Variants in ULK4 observed in about 807,000 individuals in gnomAD.
ULK4 encodes the protein inactive serine/threonine-protein kinase ULK4.
Under a neutral mutation model 160.6 loss-of-function variants are expected in ULK4, and 133 were observed. That is an observed-to-expected ratio of 0.83 (90% CI 0.72 to 0.96). ULK4 has a LOEUF of 0.96. Among genes scored for constraint, ULK4 ranks in the 40% least tolerant of loss-of-function variants. The pLI is 0.00. For synonymous variants in ULK4, 534 were observed against 539.8 expected (o/e 0.99, Z 0.15); for missense variants, 1,580 against 1,499.5 (o/e 1.05, Z -0.89).
intron 22 of ULK4, among the ~76,000 whole-genome samples, chr3:41,742,566 A>G (rs2038278092): frequency 6.6e-6 from 1 of 152,008 alleles, no homozygotes; most frequent in South Asian, 2.1e-4. Context: ...TCCAGGACGT[A>G]TTCTAAAATC....
intron 30 of ULK4, among the ~76,000 whole-genome samples, chr3:41,654,051 C>T (rs976297077): frequency 3.3e-5 from 5 of 152,188 alleles, no homozygotes; most frequent in Non-Finnish European, 7.3e-5. Flanking sequence ...ACCGTAAACT[C>T]ACATCTATGT....
chr3:41,748,148 A>T (rs1203564674), intron 22 of ULK4, among the ~76,000 whole-genome samples: 1 of 148,286 alleles, frequency 6.7e-6, no homozygotes, highest in East Asian at 1.9e-4. Flanking sequence ...TAGAGACTAT[A>T]TATATATATA....
chr3:41,462,428 G>A (rs998405728), intron 33 of ULK4, among the ~76,000 whole-genome samples: 31 of 152,058 alleles, frequency 2.0e-4, no homozygotes, highest in African/African-American at 6.8e-4. Flanking sequence ...TGACTCCATC[G>A]GTTAGACAGA....
chr3:41,634,213 A>T (rs1199124851), intron 30 of ULK4, among the ~76,000 whole-genome samples: 1 of 152,154 alleles, frequency 6.6e-6, no homozygotes, highest in African/African-American at 2.4e-5. Flanking sequence ...GAACTTGCTT[A>T]TACTGGCAGA....
chr3:41,529,768 G>A (rs1175152678), intron 32 of ULK4, among the ~76,000 whole-genome samples: 1 of 152,108 alleles, frequency 6.6e-6, no homozygotes, highest in Non-Finnish European at 1.5e-5. Context: ...GCTGGGACTA[G>A]AGGCATGAGC....
intron 17 of ULK4, among the ~76,000 whole-genome samples, chr3:41,845,167 G>A (rs752267176): frequency 2.3e-4 from 35 of 152,136 alleles, no homozygotes; most frequent in Non-Finnish European, 4.0e-4. Flanking sequence ...GGGTTTCACC[G>A]TGTTAGCCAG....
intron 17 of ULK4, among the ~76,000 whole-genome samples, chr3:41,839,980 G>A (rs7632346): frequency 0.075 from 11,392 of 152,178 alleles, 1,342 homozygotes; most frequent in African/African-American, 0.25. Flanking sequence ...AAGACTCAAC[G>A]TAGTGGAAAA....
At chr3:41,448,871 G>A (rs973814844) in intron 34 of ULK4, among the ~76,000 whole-genome samples, 2 of 152,022 alleles carry the variant, frequency 1.3e-5, no homozygotes, top group African/African-American at 4.8e-5. Flanking sequence ...CACAAAAGGA[G>A]GAACAGTTTT....
chr3:41,600,160 C>T (rs915240977), intron 31 of ULK4, among the ~76,000 whole-genome samples: 1 of 152,162 alleles, frequency 6.6e-6, no homozygotes, highest in Non-Finnish European at 1.5e-5. Context: ...ACAGTCTGGA[C>T]CCAGTCTACA....
intron 27 of ULK4, among the ~76,000 whole-genome samples, chr3:41,684,145 C>T (rs923958533): frequency 1.5e-4 from 23 of 152,300 alleles, no homozygotes; most frequent in African/African-American, 5.3e-4. Flanking sequence ...GCCCCCACAG[C>T]TGTGCTGCAG....
chr3:41,299,254 C>T (rs2079734157), intron 35 of ULK4, among the ~76,000 whole-genome samples: 1 of 152,142 alleles, frequency 6.6e-6, no homozygotes, highest in Admixed American at 6.5e-5. Flanking sequence ...GCCCAGTCGT[C>T]CCAGTTAAGA....
chr3:41,939,223 C>CA (rs1442236677), intron 2 of ULK4, among the ~76,000 whole-genome samples: 1 of 150,080 alleles, frequency 6.7e-6, no homozygotes, highest in Admixed American at 6.7e-5. Flanking sequence ...TACAGTGGTG[C>CA]AATCTCGGCT....
intron 28 of ULK4, 24 bp downstream of exon 28, chr3:41,681,729 T>A (rs760302820): frequency 8.1e-6 from 13 of 1,613,906 alleles, no homozygotes. Context: ...CTGATGCAAT[T>A]CTTGCTGGTG....
At chr3:41,918,353 T>C (rs1699045128) in intron 7 of ULK4, 104 bp downstream of exon 7, 3 of 675,080 alleles carry the variant, frequency 4.4e-6, no homozygotes, top group Non-Finnish European at 7.3e-6. Flanking sequence ...TTATAAAAGA[T>C]AACTTTGGGG....
chr3:41,576,671 A>G (rs1482241842), intron 31 of ULK4, among the ~76,000 whole-genome samples: 2 of 152,234 alleles, frequency 1.3e-5, no homozygotes, highest in Non-Finnish European at 1.5e-5. Context: ...AAAAGGATAA[A>G]AAAGGCCTTT....
chr3:41,558,634 G>A (rs75531063), intron 32 of ULK4, among the ~76,000 whole-genome samples: 3,233 of 151,826 alleles, frequency 0.021, 122 homozygotes, highest in African/African-American at 0.073. Context: ...ACCCTGGGAG[G>A]TGGAGATTGC....
intron 35 of ULK4, among the ~76,000 whole-genome samples, chr3:41,364,925 T>C (rs768161014): frequency 6.6e-6 from 1 of 152,144 alleles, no homozygotes; most frequent in Non-Finnish European, 1.5e-5. Context: ...ATCTGGGGGA[T>C]CTCATTAAAA....
At chr3:41,312,838 C>T (rs2080077568) in intron 35 of ULK4, among the ~76,000 whole-genome samples, 1 of 151,902 alleles carries the variant, frequency 6.6e-6, no homozygotes, top group Non-Finnish European at 1.5e-5. Flanking sequence ...ATCAACCAAA[C>T]AAAAAAACTT....
intron 30 of ULK4, 80 bp from the exon 31 acceptor site, chr3:41,615,797 G>T: frequency 7.8e-7 from 1 of 1,283,544 alleles, no homozygotes; most frequent in Non-Finnish European, 1.1e-6. Flanking sequence ...AAGCACCTCA[G>T]CCCCCATGTT....
Sources: gnomAD v4.1 joint callset for allele counts (sites outside exome capture counted in the v4.1 genomes callset) on GRCh38, gnomAD v4.1.1 for gene constraint, MANE v1.5 for transcripts, NCBI Gene and HGNC (gene_info 2026-07-23, HGNC 2026-07-21) for gene names.